The following KHDRBS3 variants were observed in gnomAD, a reference collection of about 807,000 sequenced individuals.
KHDRBS3 encodes KH domain-containing, RNA-binding, signal transduction-associated protein 3.
Under a neutral mutation model 45.6 loss-of-function variants are expected in KHDRBS3, and 23 were observed. The observed-to-expected ratio is 0.50, with a 90% CI of 0.36 to 0.72. The LOEUF (loss-of-function observed/expected upper bound fraction) is 0.72, where lower values mean the gene tolerates loss of function less well. Ranked by LOEUF, KHDRBS3 falls within the 30% of genes least tolerant of loss-of-function variation. The pLI is 0.00. For synonymous variants in KHDRBS3, 162 were observed against 156.5 expected (o/e 1.04, Z -0.26); for missense variants, 352 against 424.8 (o/e 0.83, Z 1.51).
chr8:135,518,469 C>T (rs1371594351), intron 1 of KHDRBS3, among the ~76,000 whole-genome samples: 5 of 152,106 alleles, frequency 3.3e-5, no homozygotes, highest in African/African-American at 9.7e-5. Context: ...CCACCACGCC[C>T]GGCCTAAACT....
chr8:135,642,378 T>A (rs574524771), intron 7 of KHDRBS3, among the ~76,000 whole-genome samples: 39 of 152,188 alleles, frequency 2.6e-4, no homozygotes, highest in Non-Finnish European at 5.1e-4. Flanking sequence ...TTTTTTAGAT[T>A]AGGTGAGCTC....
chr8:135,490,206 C>G (rs1371899217), intron 1 of KHDRBS3, among the ~76,000 whole-genome samples: 1 of 152,152 alleles, frequency 6.6e-6, no homozygotes, highest in Non-Finnish European at 1.5e-5. Context: ...TTTCTCAGGA[C>G]AGATCCCCAT....
At chr8:135,498,381 A>G (rs557374620) in intron 1 of KHDRBS3, among the ~76,000 whole-genome samples, 3 of 146,508 alleles carry the variant, frequency 2.0e-5, no homozygotes, top group African/African-American at 7.3e-5. Flanking sequence ...ACCTGATCAC[A>G]TAATTCTTGT....
intron 5 of KHDRBS3, among the ~76,000 whole-genome samples, chr8:135,567,950 C>A (rs1827511099): frequency 6.6e-6 from 1 of 152,178 alleles, no homozygotes; most frequent in African/African-American, 2.4e-5. Context: ...GTGTCACCAC[C>A]ACTGCTACTT....
chr8:135,564,807 C>A (rs894081647), intron 5 of KHDRBS3, among the ~76,000 whole-genome samples: 5 of 152,062 alleles, frequency 3.3e-5, no homozygotes, highest in Non-Finnish European at 7.4e-5. Context: ...TATTTGTCTG[C>A]TGAAATTTTA....
chr8:135,631,397 CTA>C (rs995406513), intron 7 of KHDRBS3, among the ~76,000 whole-genome samples: 1 of 151,538 alleles, frequency 6.6e-6, no homozygotes, highest in Non-Finnish European at 1.5e-5. Flanking sequence ...TATTGTACAA[CTA>C]TACAAAAATG....
rs1283122230 is a variant in KHDRBS3, at chr8:135,461,160, A to G, written c.88+3206A>G. 2.0e-5 allele frequency among the ~76,000 whole-genome samples: 3 copies of G among 152,294 alleles called. No individual in the cohort carries two copies. The East Asian group carries it at 5.8e-4, about 29-fold the overall frequency. On this transcript the variant is annotated intron_variant, in intron 1 of 8. Transcript: ENST00000355849. ...GGCTCTGTTGCCCAGGCTAGAGTGCAGTGACACAATCTAGGCTCACCGTAA... is the reference window on the plus strand; with the variant it reads ...GGCTCTGTTGCCCAGGCTAGAGTGCGGTGACACAATCTAGGCTCACCGTAA...
intron 1 of KHDRBS3, among the ~76,000 whole-genome samples, chr8:135,497,231 A>G (rs1823499812): frequency 6.6e-6 from 1 of 152,178 alleles, no homozygotes; most frequent in South Asian, 2.1e-4. Flanking sequence ...TCCCCACTTC[A>G]TTCCTGGACT....
At chr8:135,585,401 A>T (rs1828423614) in intron 6 of KHDRBS3, among the ~76,000 whole-genome samples, 1 of 152,168 alleles carries the variant, frequency 6.6e-6, no homozygotes, top group Non-Finnish European at 1.5e-5. Flanking sequence ...TACTAAAATT[A>T]TTACATGGAA....
At chr8:135,646,948 G>A (rs946912518) in intron 8 of KHDRBS3, 45 bp from the exon 9 acceptor site, 5 of 1,026,464 alleles carry the variant, frequency 4.9e-6, no homozygotes, top group South Asian at 1.3e-5. Flanking sequence ...AAGCCTGTGG[G>A]ATTCATGGCA....
chr8:135,559,327 A>G (rs1827053527), intron 5 of KHDRBS3, among the ~76,000 whole-genome samples: 1 of 152,088 alleles, frequency 6.6e-6, no homozygotes, highest in South Asian at 2.1e-4. Flanking sequence ...AGCCAAATAC[A>G]ACAAAATATA....
At chr8:135,508,186 A>G (rs965228335) in intron 1 of KHDRBS3, among the ~76,000 whole-genome samples, 4 of 152,200 alleles carry the variant, frequency 2.6e-5, no homozygotes, top group Admixed American at 1.3e-4. Flanking sequence ...TATTTTAAAT[A>G]GTGTCAGTGT....
intron 2 of KHDRBS3, among the ~76,000 whole-genome samples, chr8:135,534,510 C>T (rs1028411120): frequency 4.6e-5 from 7 of 152,076 alleles, no homozygotes; most frequent in African/African-American, 1.2e-4. Flanking sequence ...ACAGGGTTTC[C>T]GCGCTCAGAG....
chr8:135,639,400 T>G (rs1168600473), intron 7 of KHDRBS3, among the ~76,000 whole-genome samples: 1 of 152,104 alleles, frequency 6.6e-6, no homozygotes, highest in Non-Finnish European at 1.5e-5. Flanking sequence ...GCCTGCGTAT[T>G]TGAAGGATCA....
intron 6 of KHDRBS3, chr8:135,593,502 G>C (rs1668051236): frequency 6.6e-6 from 1 of 152,288 alleles, no homozygotes; most frequent in African/African-American, 2.4e-5. Flanking sequence ...GGTTGAGACA[G>C]GGTCTTGTTC....
chr8:135,567,700 C>T (rs1425336810), intron 5 of KHDRBS3, among the ~76,000 whole-genome samples: 1 of 152,186 alleles, frequency 6.6e-6, no homozygotes, highest in African/African-American at 2.4e-5. Flanking sequence ...AAATCCGTAA[C>T]TGCTTCTATG....
chr8:135,552,843 G>A (rs1220409759), intron 4 of KHDRBS3, among the ~76,000 whole-genome samples: 1 of 152,132 alleles, frequency 6.6e-6, no homozygotes, highest in Non-Finnish European at 1.5e-5. Context: ...GGGAGCTCGT[G>A]TTCAGACAGC....
chr8:135,463,022 A>G (rs1821509310), intron 1 of KHDRBS3, among the ~76,000 whole-genome samples: 1 of 151,962 alleles, frequency 6.6e-6, no homozygotes, highest in Non-Finnish European at 1.5e-5. Context: ...CTGCCCTAAG[A>G]TAAGTCCTCT....
intron 3 of KHDRBS3, among the ~76,000 whole-genome samples, chr8:135,543,627 G>C (rs370731299): frequency 6.6e-6 from 1 of 152,198 alleles, no homozygotes; most frequent in African/African-American, 2.4e-5. Context: ...GTCAGGCGCT[G>C]TGTGAAACAT....
Sources: allele counts gnomAD v4.1 joint callset (sites outside exome capture counted in the v4.1 genomes callset), GRCh38; gene constraint gnomAD v4.1.1; transcripts MANE v1.5; gene names NCBI Gene and HGNC (gene_info 2026-07-23, HGNC 2026-07-21).